TYW5: variants seen among roughly 807,000 people sequenced by gnomAD.
TYW5 encodes tRNA wybutosine-synthesizing protein 5.
Under a neutral mutation model 44.4 loss-of-function variants are expected in TYW5, and 36 were observed. That is an observed-to-expected ratio of 0.81 (90% CI 0.62 to 1.07). TYW5 has a LOEUF of 1.07. TYW5 is among the 50% of genes least tolerant of loss of function. TYW5 has a pLI of 0.00. For missense variants in TYW5, 354 were observed against 365.7 expected, an observed-to-expected ratio of 0.97 and a Z score of 0.26; for synonymous variants, 121 against 128.1, an observed-to-expected ratio of 0.94 and a Z score of 0.37.
chr2:199,954,413 T>C lies in TYW5; in HGVS notation c.78+980A>G, dbSNP rs565324554. Among the ~76,000 whole-genome samples the C allele has an allele frequency of 5.3e-5, 8 of 152,158 alleles. No homozygotes were observed. The East Asian group carries it at 7.8e-4, about 15-fold the overall frequency. Reference sequence around the variant, plus strand: ...CACGGCGCCCAGCCCATCCGACTTTTGTAACACTCAGAATTGTAGTTTTGT... The same window carrying C: ...CACGGCGCCCAGCCCATCCGACTTTCGTAACACTCAGAATTGTAGTTTTGT... On this transcript the variant is annotated intron_variant, in intron 1 of 7. Coordinates refer to ENST00000354611, the MANE Select transcript of TYW5 (RefSeq NM_001039693.3).
chr2:199,954,961 T>TA (rs1407408805), intron 1 of TYW5, among the ~76,000 whole-genome samples: 1 of 152,202 alleles, frequency 6.6e-6, no homozygotes, highest in Non-Finnish European at 1.5e-5. Flanking sequence ...ACTACAGGTA[T>TA]AAAAGACTCC....
intron 7 of TYW5, 39 bp from the exon 8 acceptor site, chr2:199,933,362 A>G: frequency 8.4e-6 from 13 of 1,541,638 alleles, no homozygotes; most frequent in Admixed American, 2.1e-5. Context: ...AATAAAACCT[A>G]CAGTTAAAAA....
chr2:199,936,171 G>A (rs2077419192), intron 6 of TYW5, 124 bp from the exon 7 acceptor site: 2 of 715,570 alleles, frequency 2.8e-6, no homozygotes, highest in Non-Finnish European at 4.8e-6. Flanking sequence ...CCAACACTGT[G>A]AGAATTACTA....
At chr2:199,948,497 CA>C in intron 1 of TYW5, 25 bp from the exon 2 acceptor site, 2 of 1,612,862 alleles carry the variant, frequency 1.2e-6, no homozygotes, top group Non-Finnish European at 1.7e-6. Context: ...AGAAATACAA[CA>C]AAATTCATGA....
chr2:199,941,507 TA>T (rs1173181932), intron 3 of TYW5, among the ~76,000 whole-genome samples: 16 of 152,212 alleles, frequency 1.1e-4, no homozygotes, highest in African/African-American at 3.6e-4. Flanking sequence ...CTTCAAAAGA[TA>T]ATAATATTTA....
chr2:199,955,082 A>G (rs1019407865), intron 1 of TYW5, among the ~76,000 whole-genome samples: 1 of 152,194 alleles, frequency 6.6e-6, no homozygotes, highest in Non-Finnish European at 1.5e-5. Context: ...TTGTGCCTTC[A>G]AATCCATTAA....
Position 199,940,098 on chromosome 2 carries a change from G to A in TYW5, c.339C>T (p.Asp113=). ...CATTTAGAATTCTTACCTTTCTAGG[G>A]TCTTCTCCAAGTGACCGTAAGTAGT... The part of the protein sequence containing the change: ...EKYYLRSLGE[D]PRKDVADIRK... Residue 113 remains aspartate (D), a synonymous_variant, in exon 4 of 8, where the codon GAC becomes GAT. Transcript: ENST00000354611. The A allele has an allele frequency of 6.2e-7, 1 of 1,612,488 alleles. No individual in the cohort carries two copies.
chr2:199,935,833 A>G (rs2077416105), intron 7 of TYW5, 98 bp downstream of exon 7: 1 of 782,326 alleles, frequency 1.3e-6, no homozygotes, highest in South Asian at 1.6e-5. Context: ...TACATATAAC[A>G]AATATATATT....
In TYW5 at chr2:199,929,391, G is replaced by A. The variant is rs1476402748; in HGVS notation, c.*3676C>T. On this transcript the variant is annotated 3_prime_UTR_variant, in exon 8 of 8. Coordinates refer to ENST00000354611, the MANE Select transcript of TYW5 (RefSeq NM_001039693.3). ...GTATATTTAAGACACCCAAAAACTT[G>A]TGGCTTGTATGCTTGAAACAAGACT... Among the ~76,000 whole-genome samples the A allele has an allele frequency of 3.3e-5, 5 of 152,060 alleles. No homozygotes were observed. Among genetic ancestry groups the A allele is most frequent in the Non-Finnish European group, 7.4e-5 (5 of 68,016 alleles).
At chr2:199,951,274 C>T (rs1175258458) in intron 1 of TYW5, among the ~76,000 whole-genome samples, 1 of 152,164 alleles carries the variant, frequency 6.6e-6, no homozygotes, top group Non-Finnish European at 1.5e-5. Flanking sequence ...TAAATGAGGA[C>T]TTACTGTACT....
At chr2:199,938,799 C>G (rs1482002447) in intron 5 of TYW5, 134 bp downstream of exon 5, 1 of 886,866 alleles carries the variant, frequency 1.1e-6, no homozygotes, top group Non-Finnish European at 1.6e-6. Flanking sequence ...TGCACAGCAC[C>G]TATTTTCAAA....
At position 199,933,101 on chromosome 2, in the gene TYW5, A is replaced by T; in HGVS notation, c.914T>A (p.Ile305Asn). The stretch of plus-strand genomic sequence containing the variant: ...GTTCTTGCTGTAGGCTTTGTCTTGA[A>T]TGTGTAGGACCATTCGTCGTGCATA... Reference protein sequence around the residue: ...DFYARRMVLHIQDKAYSKNSE With the variant: ...DFYARRMVLHNQDKAYSKNSE The change falls in exon 8 of 8, where the codon ATT (isoleucine) becomes AAT (asparagine). Residue 305 changes from isoleucine to asparagine, a missense_variant. Ile to Asn is a moderately radical substitution (Grantham distance 149). Coordinates refer to ENST00000354611, the MANE Select transcript of TYW5 (RefSeq NM_001039693.3). 2 of 1,614,022 alleles carry T rather than the reference A, an allele frequency of 1.2e-6. No individual in the cohort carries two copies. Among genetic ancestry groups the T allele is most frequent in the Non-Finnish European group, 8.5e-7 (1 of 1,179,980 alleles).
chr2:199,939,211 TCTC>T, intron 4 of TYW5, 141 bp from the exon 5 acceptor site: 2 of 578,288 alleles, frequency 3.5e-6, no homozygotes, highest in Non-Finnish European at 5.3e-6. Context: ...TCTCTATCTT[TCTC>T]TCTCTCTCTC....
At chr2:199,943,421 A>T (rs1235725425) in intron 3 of TYW5, 1 of 178,686 alleles carries the variant, frequency 5.6e-6, no homozygotes, top group Non-Finnish European at 1.2e-5. Flanking sequence ...TTTTAAAAGG[A>T]CGTAACATTA....
chr2:199,934,776 T>G (rs1001490806), intron 7 of TYW5, among the ~76,000 whole-genome samples: 4 of 152,124 alleles, frequency 2.6e-5, no homozygotes, highest in African/African-American at 9.6e-5. Flanking sequence ...TTATGATTTT[T>G]ATAATCTTCA....
At chr2:199,937,765 G>A (rs1157282453) in intron 5 of TYW5, among the ~76,000 whole-genome samples, 6 of 152,228 alleles carry the variant, frequency 3.9e-5, no homozygotes, top group Middle Eastern at 3.4e-3. Context: ...ATATAAAACT[G>A]TAAAATATGC....
intron 1 of TYW5, among the ~76,000 whole-genome samples, chr2:199,950,446 A>G (rs1054726517): frequency 2.6e-5 from 4 of 152,142 alleles, no homozygotes; most frequent in Admixed American, 6.5e-5. Context: ...AGGTCCTCAA[A>G]TAAAGTTATA....
chr2:199,941,363 C>T (rs1025200098), intron 3 of TYW5, among the ~76,000 whole-genome samples: 7 of 152,128 alleles, frequency 4.6e-5, no homozygotes, highest in Non-Finnish European at 7.3e-5. Context: ...TTATCCTTCA[C>T]CAAGTAACTA....
intron 5 of TYW5, among the ~76,000 whole-genome samples, chr2:199,938,122 C>T (rs941977499): frequency 2.7e-5 from 4 of 150,742 alleles, no homozygotes; most frequent in Non-Finnish European, 5.9e-5. Flanking sequence ...TGGAGTGCAA[C>T]GGTGCGATCT....
Sources: allele counts gnomAD v4.1 joint callset (sites outside exome capture counted in the v4.1 genomes callset), GRCh38; gene constraint gnomAD v4.1.1; transcripts MANE v1.5; gene names NCBI Gene and HGNC (gene_info 2026-07-23, HGNC 2026-07-21).